TTLL9: variants seen among roughly 807,000 people sequenced by gnomAD.
The protein encoded by TTLL9 is tubulin tyrosine ligase like 9, also known as probable tubulin polyglutamylase TTLL9.
TTLL9 carries 47 observed loss-of-function variants against 65.6 expected under a neutral mutation model. The observed-to-expected ratio is 0.72, with a 90% CI of 0.57 to 0.91. The LOEUF (loss-of-function observed/expected upper bound fraction) is 0.91. Ranked by LOEUF, TTLL9 falls within the 40% of genes least tolerant of loss-of-function variation. TTLL9 has a pLI of 0.00. For missense variants in TTLL9, 537 were observed against 568.8 expected, an observed-to-expected ratio of 0.94 and a Z score of 0.57; for synonymous variants, 179 against 204.8, an observed-to-expected ratio of 0.87 and a Z score of 1.07.
intron 7 of TTLL9, chr20:31,920,847 A>G (rs1337153410): frequency 6.6e-6 from 1 of 152,594 alleles, no homozygotes; most frequent in Non-Finnish European, 1.5e-5. Context: ...GCTGCCTGCC[A>G]TTATTGGGGC....
At chr20:31,873,749 G>GAAGA (rs372535799) in intron 2 of TTLL9, among the ~76,000 whole-genome samples, 5,518 of 125,764 alleles carry the variant, frequency 0.044, 204 homozygotes, top group Non-Finnish European at 0.051. Flanking sequence ...AGGAAGGAAG[G>GAAGA]AAGAAAGAAA....
intron 14 of TTLL9, 145 bp from the exon 15 acceptor site, chr20:31,942,800 G>C: frequency 1.3e-6 from 1 of 758,838 alleles, no homozygotes; most frequent in Admixed American, 2.2e-5. Flanking sequence ...TGGCAGTTTA[G>C]GAATGGAGCC....
intron 3 of TTLL9, among the ~76,000 whole-genome samples, chr20:31,890,084 CTTG>C (rs2063275001): frequency 7.1e-6 from 1 of 140,114 alleles, no homozygotes; most frequent in African/African-American, 2.7e-5. Flanking sequence ...TTCTTGCTTT[CTTG>C]CTTTCTTTCC....
At chr20:31,913,458 T>A (rs913815635) in intron 6 of TTLL9, among the ~76,000 whole-genome samples, 3 of 152,168 alleles carry the variant, frequency 2.0e-5, no homozygotes, top group African/African-American at 7.2e-5. Flanking sequence ...ATCCCTCCAC[T>A]CTTCCCACAA....
chr20:31,922,049 A>G (rs1170805656), intron 7 of TTLL9, among the ~76,000 whole-genome samples: 1 of 152,082 alleles, frequency 6.6e-6, no homozygotes, highest in Non-Finnish European at 1.5e-5. Flanking sequence ...TGGGCAGATC[A>G]TTTGAGGTCA....
intron 13 of TTLL9, 152 bp from the exon 14 acceptor site, chr20:31,938,990 G>A: frequency 1.2e-6 from 1 of 867,044 alleles, no homozygotes; most frequent in Non-Finnish European, 1.6e-6. Flanking sequence ...ACCTACATAG[G>A]CACCTGGGAA....
intron 9 of TTLL9, 164 bp from the exon 10 acceptor site, chr20:31,925,885 C>G (rs753288382): frequency 6.4e-7 from 1 of 1,551,754 alleles, no homozygotes. Context: ...CATCCCGCTG[C>G]GGGCCTGGCT....
chr20:31,902,437 G>A (rs927769264), intron 4 of TTLL9, among the ~76,000 whole-genome samples: 1 of 152,146 alleles, frequency 6.6e-6, no homozygotes, highest in Non-Finnish European at 1.5e-5. Flanking sequence ...CTGGAGTCCA[G>A]TGGCTCGATC....
intron 2 of TTLL9, chr20:31,879,919 A>T: frequency 6.7e-7 from 1 of 1,483,366 alleles, no homozygotes; most frequent in Non-Finnish European, 9.0e-7. Flanking sequence ...CCTGACCCAG[A>T]TGCTTTTATC....
chr20:31,878,461 G>T (rs992440921), intron 2 of TTLL9, among the ~76,000 whole-genome samples: 1 of 152,182 alleles, frequency 6.6e-6, no homozygotes. Flanking sequence ...TATTCATTTG[G>T]CCAATTCCAG....
intron 4 of TTLL9, among the ~76,000 whole-genome samples, chr20:31,904,350 CT>C (rs71185374): frequency 0.2 from 16,691 of 81,890 alleles, 278 homozygotes; most frequent in South Asian, 0.25. Context: ...TTTGATAATT[CT>C]TTTTTTTTTT....
chr20:31,891,286 G>T (rs1036732357), intron 3 of TTLL9, among the ~76,000 whole-genome samples: 8 of 152,078 alleles, frequency 5.3e-5, no homozygotes, highest in Middle Eastern at 3.2e-3. Flanking sequence ...CTCTCCAAAG[G>T]TATGTCCAAT....
intron 3 of TTLL9, among the ~76,000 whole-genome samples, chr20:31,895,667 G>C (rs1021401406): frequency 3.9e-5 from 6 of 152,046 alleles, no homozygotes; most frequent in Non-Finnish European, 7.4e-5. Context: ...CTCCCGGGTA[G>C]CTGGGATTAC....
At chr20:31,881,973 G>T (rs1200770334) in intron 2 of TTLL9, among the ~76,000 whole-genome samples, 1 of 152,140 alleles carries the variant, frequency 6.6e-6, no homozygotes, top group Non-Finnish European at 1.5e-5. Context: ...TGTTTTTGTT[G>T]TTGGAAAGGG....
intron 2 of TTLL9, among the ~76,000 whole-genome samples, chr20:31,871,636 C>T (rs8120234): frequency 0.28 from 42,640 of 151,990 alleles, 6,391 homozygotes; most frequent in South Asian, 0.41. Context: ...CTTCCTCCCT[C>T]AAGTTCATAG....
At position 31,909,821 on chromosome 20, in the gene TTLL9, A is replaced by G. The variant is rs751520896; in HGVS notation, c.403A>G (p.Lys135Glu). 6.2e-6 allele frequency: 10 copies of G among 1,614,200 alleles called. No individual in the cohort carries two copies. In the South Asian group the frequency reaches 1.1e-4, roughly 18 times the overall value. ...EREAGKLEAAKCDFFPKTFEM... is the reference protein window; with the variant it reads ...EREAGKLEAAECDFFPKTFEM... Reference sequence around the variant, plus strand: ...TGAGGCAGGAAAGCTGGAGGCAGCCAAGTGTGACTTCTTCCCCAAAACCTT... The same window carrying G: ...TGAGGCAGGAAAGCTGGAGGCAGCCGAGTGTGACTTCTTCCCCAAAACCTT... The change falls in exon 6 of 15, where the codon AAG becomes GAG. Residue 135 changes from lysine (K) to glutamate (E), a missense_variant. Lys to Glu is a moderately conservative substitution (Grantham distance 56, BLOSUM62 1). Coordinates refer to ENST00000535842, the MANE Select transcript of TTLL9 (RefSeq NM_001008409.5).
chr20:31,904,776 C>T (rs1321649761), intron 4 of TTLL9, among the ~76,000 whole-genome samples: 1 of 152,142 alleles, frequency 6.6e-6, no homozygotes, highest in African/African-American at 2.4e-5. Flanking sequence ...TTTTTCTCTT[C>T]CTGTCCCTCA....
intron 3 of TTLL9, among the ~76,000 whole-genome samples, chr20:31,892,193 T>G (rs1387344494): frequency 6.6e-6 from 1 of 151,828 alleles, no homozygotes; most frequent in Non-Finnish European, 1.5e-5. Flanking sequence ...TTTTTTTTTT[T>G]TTTTGAGACA....
chr20:31,872,840 G>T (rs2062957417), intron 2 of TTLL9, among the ~76,000 whole-genome samples: 2 of 152,250 alleles, frequency 1.3e-5, no homozygotes, highest in African/African-American at 4.8e-5. Context: ...GCTACAGGAG[G>T]TGTTAAGAGG....
Sources: gnomAD v4.1 joint callset for allele counts (sites outside exome capture counted in the v4.1 genomes callset) on GRCh38, gnomAD v4.1.1 for gene constraint, MANE v1.5 for transcripts, NCBI Gene and HGNC (gene_info 2026-07-23, HGNC 2026-07-21) for gene names.